BBS9: variants seen among roughly 807,000 people sequenced by gnomAD.
BBS9 encodes Bardet-Biedl syndrome 9.
A neutral mutation model predicts 117.7 loss-of-function variants in BBS9; 89 were observed. That is an observed-to-expected ratio of 0.76 (90% CI 0.64 to 0.90). BBS9 has a LOEUF of 0.90. Ranked by LOEUF, BBS9 falls within the 40% of genes least tolerant of loss-of-function variation. The pLI is 0.00. For missense variants in BBS9, 982 were observed against 1,042.2 expected (o/e 0.94, Z 0.80); for synonymous variants, 379 against 370.9 (o/e 1.02, Z -0.25).
At chr7:33,517,540 G>A (rs896485789) in intron 20 of BBS9, among the ~76,000 whole-genome samples, 1 of 152,188 alleles carries the variant, frequency 6.6e-6, no homozygotes, top group Non-Finnish European at 1.5e-5. Context: ...TGGCAGGAGT[G>A]AGCACCCGTT....
At chr7:33,485,085 C>G (rs10224832) in intron 19 of BBS9, among the ~76,000 whole-genome samples, 10 of 152,040 alleles carry the variant, frequency 6.6e-5, no homozygotes, top group African/African-American at 1.7e-4. Flanking sequence ...TAAGTGGGAG[C>G]TGAACGATGA....
At chr7:33,611,786 T>G (rs1222894571) in intron 21 of BBS9, among the ~76,000 whole-genome samples, 2 of 140,384 alleles carry the variant, frequency 1.4e-5, no homozygotes, top group Admixed American at 7.4e-5. Flanking sequence ...ATAATAATAT[T>G]ATATATGGTA....
chr7:33,483,263 C>T (rs1359950035), intron 19 of BBS9, among the ~76,000 whole-genome samples: 1 of 152,078 alleles, frequency 6.6e-6, no homozygotes, highest in East Asian at 1.9e-4. Flanking sequence ...AACAAGGAAC[C>T]CTTCTTGGAC....
In BBS9 at chr7:33,475,344, G is replaced by C. The variant is rs149108676; in HGVS notation, c.2116-30119G>C. On this transcript the variant is annotated intron_variant, in intron 19 of 22. Coordinates refer to ENST00000242067, the MANE Select transcript of BBS9 (RefSeq NM_198428.3). ...TTAGACCAGTAACTCTGAAACATTA[G>C]CATTTGTTAGAATCAACTGGGGACT... Among the ~76,000 whole-genome samples the C allele has an allele frequency of 2.8e-4, 43 of 152,276 alleles. No homozygotes were observed. In the East Asian group the frequency reaches 8.1e-3, roughly 29 times the overall value.
At chr7:33,473,449 A>G (rs10226753) in intron 19 of BBS9, among the ~76,000 whole-genome samples, 118,452 of 151,574 alleles carry the variant, frequency 0.78, 47,162 homozygotes, top group African/African-American at 0.94. Context: ...TCAGCCTCCC[A>G]ACTAGCTGGG....
chr7:33,547,052 C>G (rs1853503153), intron 21 of BBS9, among the ~76,000 whole-genome samples: 1 of 152,060 alleles, frequency 6.6e-6, no homozygotes, highest in African/African-American at 2.4e-5. Context: ...TAATTATAGA[C>G]TCGTGGGAAG....
chr7:33,272,566 C>T (rs1799977678), intron 7 of BBS9, among the ~76,000 whole-genome samples: 2 of 152,022 alleles, frequency 1.3e-5, no homozygotes, highest in South Asian at 2.1e-4. Flanking sequence ...TGGAGTAGCT[C>T]TTATGTATAG....
intron 9 of BBS9, among the ~76,000 whole-genome samples, chr7:33,308,751 A>G (rs1246493646): frequency 6.6e-6 from 1 of 152,180 alleles, no homozygotes; most frequent in South Asian, 2.1e-4. Context: ...TACTTTATGA[A>G]CAGTGTTTTA....
chr7:33,630,233 A>G (rs1205882052), intron 21 of BBS9, among the ~76,000 whole-genome samples: 2 of 152,242 alleles, frequency 1.3e-5, no homozygotes, highest in Non-Finnish European at 2.9e-5. Context: ...CCATGTAACA[A>G]AAGCAAATCC....
At chr7:33,290,274 G>T (rs1803761116) in intron 9 of BBS9, among the ~76,000 whole-genome samples, 1 of 152,170 alleles carries the variant, frequency 6.6e-6, no homozygotes, top group South Asian at 2.1e-4. Flanking sequence ...TGCATGCCAT[G>T]TGAATGCAGC....
At chr7:33,236,135 T>C (rs1205676183) in intron 5 of BBS9, among the ~76,000 whole-genome samples, 1 of 152,044 alleles carries the variant, frequency 6.6e-6, no homozygotes, top group African/African-American at 2.4e-5. Context: ...AAGACCATCC[T>C]GACCAACATG....
chr7:33,476,051 T>C (rs575107641), intron 19 of BBS9, among the ~76,000 whole-genome samples: 59 of 152,306 alleles, frequency 3.9e-4, no homozygotes, highest in African/African-American at 1.3e-3. Flanking sequence ...AGGTGACATC[T>C]GTATTTGGGT....
intron 7 of BBS9, among the ~76,000 whole-genome samples, chr7:33,264,967 C>G (rs530563365): frequency 5.6e-4 from 85 of 152,190 alleles, no homozygotes; most frequent in Admixed American, 1.1e-3. Flanking sequence ...AGAATTAGCT[C>G]AAAGACAAAG....
intron 19 of BBS9, among the ~76,000 whole-genome samples, chr7:33,446,236 C>G (rs186097698): frequency 7.6e-4 from 115 of 152,246 alleles, no homozygotes; most frequent in Admixed American, 2.6e-3. Flanking sequence ...CTTAAAAATT[C>G]AGTCTTTGAG....
At chr7:33,170,154 G>C (rs920106047) in intron 4 of BBS9, among the ~76,000 whole-genome samples, 1 of 151,484 alleles carries the variant, frequency 6.6e-6, no homozygotes, top group Admixed American at 6.6e-5. Flanking sequence ...AACCAAAAAA[G>C]AGAATTTTAG....
intron 20 of BBS9, among the ~76,000 whole-genome samples, chr7:33,522,509 A>AT (rs1848784532): frequency 6.6e-6 from 1 of 151,878 alleles, no homozygotes; most frequent in South Asian, 2.1e-4. Flanking sequence ...GATGATGAGC[A>AT]TTTTTTCATG....
intron 1 of BBS9, among the ~76,000 whole-genome samples, chr7:33,132,981 G>A (rs190858509): frequency 2.6e-4 from 40 of 152,180 alleles, no homozygotes; most frequent in Admixed American, 2.4e-3. Flanking sequence ...GCAAAGATGA[G>A]GTCTCACTAT....
intron 19 of BBS9, among the ~76,000 whole-genome samples, chr7:33,485,110 A>G (rs1842926279): frequency 6.6e-6 from 1 of 152,074 alleles, no homozygotes; most frequent in South Asian, 2.1e-4. Context: ...ACATGGACAC[A>G]TTGTTGGGGG....
chr7:33,154,570 A>G (rs1032398284), intron 3 of BBS9, among the ~76,000 whole-genome samples: 1 of 152,062 alleles, frequency 6.6e-6, no homozygotes, highest in African/African-American at 2.4e-5. Context: ...GATTCAAGCA[A>G]TTCTCCTGCC....
Sources: allele counts gnomAD v4.1 joint callset (sites outside exome capture counted in the v4.1 genomes callset), GRCh38; gene constraint gnomAD v4.1.1; transcripts MANE v1.5; gene names NCBI Gene and HGNC (gene_info 2026-07-23, HGNC 2026-07-21).